Variants in TEX13A observed in about 807,000 individuals in gnomAD.
TEX13A encodes testis expressed 13A, also known as testis-expressed protein 13A.
A neutral mutation model predicts 7.1 loss-of-function variants in TEX13A; 8 were observed. The ratio of observed to expected loss-of-function variants is 1.12; its 90% CI spans 0.66 to 2.03. TEX13A has a LOEUF of 2.03. Ranked by LOEUF, TEX13A falls within the 30% of genes most tolerant of loss-of-function variation. TEX13A has a pLI of 0.00. For synonymous variants in TEX13A, 151 were observed against 134.2 expected (o/e 1.13, Z -0.87); for missense variants, 362 against 332.2 (o/e 1.09, Z -0.70).
rs1335281325 is a variant in TEX13A, at chrX:105,219,769, G to A, written c.436-11C>T. 8.4e-7 allele frequency: 1 copy of A among 1,193,462 alleles called. No homozygotes were observed. The highest frequency in any genetic ancestry group is 1.1e-6 in the Non-Finnish European group (1 of 889,605). On this transcript the variant is annotated splice_polypyrimidine_tract_variant and intron_variant, in intron 2 of 2. Coordinates refer to ENST00000600991, the MANE Select transcript of TEX13A (RefSeq NM_031274.5). ...GGGAGACACCAGCTCCTGGAGAGAAGTGGGCAGGGCTGAGGTGTGTTCTGG... is the reference window on the plus strand; with the variant it reads ...GGGAGACACCAGCTCCTGGAGAGAAATGGGCAGGGCTGAGGTGTGTTCTGG...
rs1297943507 is a variant in TEX13A, at chrX:105,219,021, T to A, written c.1173A>T (p.Ser391=). The A allele has an allele frequency of 1.7e-6, 2 of 1,211,401 alleles. No individual in the cohort carries two copies. Among genetic ancestry groups the A allele is most frequent in the East Asian group, 5.9e-5 (2 of 33,812 alleles). The part of the protein sequence containing the change: ...DCPWCNAVNF[S]RRDTCFDCGK... Reference sequence around the variant, plus strand: ...CACAGTCGAAGCAAGTATCCCTCCGTGAAAAATTCACAGCGTTACACCAAG... The same window carrying A: ...CACAGTCGAAGCAAGTATCCCTCCGAGAAAAATTCACAGCGTTACACCAAG... Residue 391 remains serine, a synonymous_variant, in exon 3 of 3, where the codon TCA becomes TCT. Coordinates refer to ENST00000600991, the MANE Select transcript of TEX13A (RefSeq NM_031274.5).
At chrX:105,219,929 G>A in intron 2 of TEX13A, 34 bp downstream of exon 2, 2 of 1,162,522 alleles carry the variant, frequency 1.7e-6, no homozygotes, top group Non-Finnish European at 1.2e-6. Flanking sequence ...GACCAGTTGA[G>A]GGATCTTACT....
rs782379343 is a variant in TEX13A at position 105,220,239 on chromosome X, T to G, written c.159A>C (p.Ile53=). The G allele has an allele frequency of 1.7e-4, 209 of 1,210,085 alleles. No individual in the cohort carries two copies. The highest frequency in any genetic ancestry group is 2.1e-4 in the Non-Finnish European group (192 of 895,136). The change falls in exon 2 of 3, where the codon ATA becomes ATC. Residue 53 remains isoleucine, a synonymous_variant. Coordinates refer to ENST00000600991, the MANE Select transcript of TEX13A (RefSeq NM_031274.5). The part of the protein sequence containing the change: ...WEKVEDKLRA[I]LEDSEVPSEV... ...CACTGGGCACCTCGCTGTCCTCCAG[T>G]ATGGCCCTCAGCTTGTCTTCCACCT...
rs1302287562 is a variant in TEX13A, at chrX:105,220,555, C to T, written c.-33+40G>A. 3.5e-5 allele frequency: 17 copies of T among 487,728 alleles called. No homozygotes were observed. In the East Asian group the frequency reaches 4.8e-4, roughly 14 times the overall value. The allele number at this position is 487,728 out of a possible 1,213,427, so 40.2% of individuals were successfully genotyped here. A position where few individuals can be genotyped will look rare whatever the true frequency, so the allele number is the denominator to read the frequency against. ...AAGACCGTCCTAATGACCCCCTGAC[C>T]GGCTTGTCCTACCCTAGGACACCTC... On this transcript the variant is annotated intron_variant, in intron 1 of 2. Coordinates refer to ENST00000600991, the MANE Select transcript of TEX13A (RefSeq NM_031274.5).
chrX:105,219,038 T>C lies in TEX13A; in HGVS notation c.1156A>G (p.Asn386Asp), dbSNP rs202235111. Residue 386 changes from asparagine to aspartate, a missense_variant, in exon 3 of 3, where the codon AAC (asparagine) becomes GAC (aspartate). Asn to Asp is a conservative substitution (Grantham distance 23, BLOSUM62 1). Coordinates refer to ENST00000600991, the MANE Select transcript of TEX13A (RefSeq NM_031274.5). Reference sequence around the variant, plus strand: ...TCCCTCCGTGAAAAATTCACAGCGTTACACCAAGGGCAGTCCCAGTCCCCT... The same window carrying C: ...TCCCTCCGTGAAAAATTCACAGCGTCACACCAAGGGCAGTCCCAGTCCCCT... The part of the protein sequence containing the change: ...RPGDWDCPWC[N>D]AVNFSRRDTC... 8.0e-4 allele frequency: 970 copies of C among 1,209,484 alleles called. No homozygotes were observed. The highest frequency in any genetic ancestry group is 1.0e-3 in the Non-Finnish European group (921 of 895,009).
At position 105,219,532 on chromosome X, in the gene TEX13A, A is replaced by C. The variant is rs1478421656; in HGVS notation, c.662T>G (p.Met221Arg). The C allele has an allele frequency of 5.8e-6, 7 of 1,206,752 alleles. No homozygotes were observed. Among genetic ancestry groups the C allele is most frequent in the Non-Finnish European group, 7.8e-6 (7 of 894,568 alleles). The change falls in exon 3 of 3, where the codon ATG becomes AGG. Residue 221 changes from methionine to arginine, a missense_variant. Coordinates refer to ENST00000600991, the MANE Select transcript of TEX13A (RefSeq NM_031274.5). ...CTCCACGTGGGGGAACTGGGTCTCC[A>C]TGGGGGCAGCCCCAGCCTCCACAGG... Reference protein sequence around the residue: ...APPVEAGAAPMETQFPHVEAR... With the variant: ...APPVEAGAAPRETQFPHVEAR...
rs781911318 is a variant in TEX13A at position 105,220,192 on chromosome X, C to A, written c.206G>T (p.Trp69Leu). ...GCGCACTCCCAAGGCCAGGCTGCCC[C>A]AGGTGCAGGCCTCTTTGACCTCACT... ...VPSEVKEACT[W>L]GSLALGVRFA... Residue 69 changes from tryptophan to leucine, a missense_variant, in exon 2 of 3, where the codon TGG becomes TTG. By Grantham distance (61) the Trp-to-Leu change is moderately conservative. Transcript: ENST00000600991. 14 of 1,211,498 alleles carry A rather than the reference C, an allele frequency of 1.2e-5. No homozygotes were observed. Among genetic ancestry groups the A allele is most frequent in the Non-Finnish European group, 1.6e-5 (14 of 895,202 alleles).
rs199819714 is a variant in TEX13A, at chrX:105,220,042, T to C, written c.356A>G (p.Glu119Gly). 1.6e-4 allele frequency: 193 copies of C among 1,210,414 alleles called. 2 individuals carry two copies. The African/African-American group carries it at 2.8e-3, about 18-fold the overall frequency. Residue 119 changes from glutamate (E) to glycine (G), a missense_variant, in exon 2 of 3, where the codon GAG becomes GGG. Coordinates refer to ENST00000600991, the MANE Select transcript of TEX13A (RefSeq NM_031274.5). ...SDLKKLREQQETERKEAASRL... is the reference protein window; with the variant it reads ...SDLKKLREQQGTERKEAASRL... ...GGAGGCCGCCTCCTTGCGTTCCGTC[T>C]CCTGCTGCTCCCTGAGCTTCTTCAG...
chrX:105,219,456 CAGG>C lies in TEX13A; in HGVS notation c.735_737del (p.Leu246del). 8.3e-7 allele frequency: 1 copy of C among 1,210,258 alleles called. No homozygotes were observed. Among genetic ancestry groups the C allele is most frequent in the Non-Finnish European group, 1.1e-6 (1 of 895,022 alleles). ...CCTGATCAGCATCTCCAAGGAGCTG[CAGG>C]AGGATTCTCTCCAGCTTCTCTGTGG... On this transcript the variant is annotated inframe_deletion, in exon 3 of 3. Transcript: ENST00000600991.
chrX:105,219,826 C>G lies in TEX13A; in HGVS notation c.436-68G>C. On this transcript the variant is annotated intron_variant, in intron 2 of 2. Transcript: ENST00000600991. Reference sequence around the variant, plus strand: ...GGCGGGAGCACTAAGCAGGGTAGGACGGAGCTACCAGGTGGGAAGGGCGGG... The same window carrying G: ...GGCGGGAGCACTAAGCAGGGTAGGAGGGAGCTACCAGGTGGGAAGGGCGGG... The G allele has an allele frequency of 4.5e-6, 5 of 1,101,949 alleles. No individual in the cohort carries two copies. The Admixed American group carries it at 1.0e-4, about 22-fold the overall frequency. 90.8% of individuals were successfully genotyped at this position (1,101,949 alleles called of 1,213,427 possible). A position where few individuals can be genotyped will look rare whatever the true frequency, so the allele number is the denominator to read the frequency against.
intron 1 of TEX13A, 68 bp from the exon 2 acceptor site, chrX:105,220,497 C>T: frequency 1.2e-6 from 1 of 814,740 alleles, no homozygotes; most frequent in Non-Finnish European, 1.7e-6. Context: ...CCATCTTCTC[C>T]CGCCCTCTTG....
rs1060551 is a variant in TEX13A at position 105,219,150 on chromosome X, C to A, written c.1044G>T (p.Gly348=). Residue 348 remains glycine, a synonymous_variant, in exon 3 of 3, where the codon GGG becomes GGT. Coordinates refer to ENST00000600991, the MANE Select transcript of TEX13A (RefSeq NM_031274.5). ...GCTCCTGATGGTCTATTCTGTGGGG[C>A]CCCCCATCAGACCACAGGCTAGTAT... The part of the protein sequence containing the change: ...AFDTSLWSDG[G]PHRIDHQEHP... 0.011 allele frequency: 13,326 copies of A among 1,208,669 alleles called. 65 individuals carry two copies. The highest frequency in any genetic ancestry group is 0.013 in the Non-Finnish European group (11,616 of 894,671).
intron 1 of TEX13A, 79 bp from the exon 2 acceptor site, chrX:105,220,508 T>TC: frequency 2.7e-6 from 2 of 741,475 alleles, no homozygotes; most frequent in Admixed American, 7.8e-5. Flanking sequence ...CGCCCTCTTG[T>TC]CCCCGCCCTA....
chrX:105,220,467 C>T, intron 1 of TEX13A, 38 bp from the exon 2 acceptor site: 14 of 946,987 alleles, frequency 1.5e-5, no homozygotes, highest in Non-Finnish European at 1.6e-5. Flanking sequence ...CCTTTCCTCC[C>T]CCTTAGCCCC....
Position 105,220,224 on chromosome X carries a change from C to T in TEX13A, c.174G>A (p.Glu58=), listed in dbSNP as rs187750279. ...AGGCCTCTTTGACCTCACTGGGCAC[C>T]TCGCTGTCCTCCAGTATGGCCCTCA... The part of the protein sequence containing the change: ...DKLRAILEDS[E]VPSEVKEACT... Residue 58 remains glutamate, a synonymous_variant, in exon 2 of 3, where the codon GAG becomes GAA. Coordinates refer to ENST00000600991, the MANE Select transcript of TEX13A (RefSeq NM_031274.5). 3.3e-6 allele frequency: 4 copies of T among 1,210,158 alleles called. No homozygotes were observed. The highest frequency in any genetic ancestry group is 4.5e-6 in the Non-Finnish European group (4 of 895,160).
rs190120031 is a variant in TEX13A, at chrX:105,219,652, G to C, written c.542C>G (p.Ala181Gly). 1.7e-6 allele frequency: 2 copies of C among 1,210,298 alleles called. No homozygotes were observed. Among genetic ancestry groups the C allele is most frequent in the South Asian group, 3.5e-5 (2 of 56,944 alleles). Residue 181 changes from alanine to glycine, a missense_variant, in exon 3 of 3, where the codon GCG (alanine) becomes GGG (glycine). By Grantham distance (60) the Ala-to-Gly change is moderately conservative. Transcript: ENST00000600991. ...TCCAGCAGCACCAGCAGCAGCCACC[G>C]CCGCCTCTTCTTCCTCCTCAGCTGC... ...EGAAEEEEEAAVAAAGAAGGK... is the reference protein window; with the variant it reads ...EGAAEEEEEAGVAAAGAAGGK...
rs782586362 is a variant in TEX13A at position 105,220,367 on chromosome X, C to T, written c.31G>A (p.Gly11Arg). ...GCCACCACGTTGCTATGCCGGAACCCGCTACTGGGGTCCTCAGGTCTCAAG... is the reference window on the plus strand; with the variant it reads ...GCCACCACGTTGCTATGCCGGAACCTGCTACTGGGGTCCTCAGGTCTCAAG... MALRPEDPSS[G>R]FRHSNVVAFI... Residue 11 changes from glycine to arginine, a missense_variant, in exon 2 of 3, where the codon GGG becomes AGG. Gly to Arg is a moderately radical substitution (Grantham distance 125). Transcript: ENST00000600991. The T allele has an allele frequency of 9.2e-6, 11 of 1,194,787 alleles. No homozygotes were observed. The highest frequency in any genetic ancestry group is 1.8e-5 in the African/African-American group (1 of 56,872).
Position 105,220,312 on chromosome X carries a change from G to A in TEX13A, c.86C>T (p.Thr29Met), listed in dbSNP as rs372838212. Reference sequence around the variant, plus strand: ...CTCAAGATAGAACTCGGGGCCTTTCGTGTGCCTGGCCATTTTCTCGTTGAT... The same window carrying A: ...CTCAAGATAGAACTCGGGGCCTTTCATGTGCCTGGCCATTTTCTCGTTGAT... ...AFINEKMARH[T>M]KGPEFYLENI... is the part of the protein sequence containing the mutation. The change falls in exon 2 of 3, where the codon ACG becomes ATG. Residue 29 changes from threonine to methionine, a missense_variant. By Grantham distance (81) the Thr-to-Met change is moderately conservative. Coordinates refer to ENST00000600991, the MANE Select transcript of TEX13A (RefSeq NM_031274.5). The A allele has an allele frequency of 1.5e-5, 18 of 1,209,852 alleles. 1 individual carries two copies. The Admixed American group carries it at 3.0e-4, about 20-fold the overall frequency.
chrX:105,219,472 A>G lies in TEX13A; in HGVS notation c.722T>C (p.Leu241Pro), dbSNP rs1235514926. The change falls in exon 3 of 3, where the codon CTG becomes CCG. Residue 241 changes from leucine (L) to proline (P), a missense_variant. Leu to Pro is a moderately conservative substitution (Grantham distance 98). Coordinates refer to ENST00000600991, the MANE Select transcript of TEX13A (RefSeq NM_031274.5). ...RAASMETTEK[L>P]ERILLQLLGD... is the part of the protein sequence containing the mutation. Reference sequence around the variant, plus strand: ...AAGGAGCTGCAGGAGGATTCTCTCCAGCTTCTCTGTGGTCTCCATGGAGGC... The same window carrying G: ...AAGGAGCTGCAGGAGGATTCTCTCCGGCTTCTCTGTGGTCTCCATGGAGGC... The G allele has an allele frequency of 8.3e-7, 1 of 1,206,476 alleles. No homozygotes were observed. Among genetic ancestry groups the G allele is most frequent in the Non-Finnish European group, 1.1e-6 (1 of 894,090 alleles).
Sources: gnomAD v4.1 joint callset for allele counts on GRCh38, gnomAD v4.1.1 for gene constraint, MANE v1.5 for transcripts, NCBI Gene and HGNC (gene_info 2026-07-23, HGNC 2026-07-21) for gene names.